The following TENM3 variants were observed in gnomAD, a reference collection of about 807,000 sequenced individuals.
TENM3 encodes teneurin transmembrane protein 3.
Under a neutral mutation model 255.1 loss-of-function variants are expected in TENM3, and 63 were observed. That is an observed-to-expected ratio of 0.25 (90% CI 0.20 to 0.30). The LOEUF (loss-of-function observed/expected upper bound fraction) is 0.30, where lower values mean the gene tolerates loss of function less well. TENM3 is among the 10% of genes least tolerant of loss of function. The pLI is 1.00. For missense variants in TENM3, 2,929 were observed against 3,461.1 expected (o/e 0.85, Z 3.86); for synonymous variants, 1,306 against 1,322.3 (o/e 0.99, Z 0.27).
At chr4:182,045,500 T>C in the TENM3 span, among the ~76,000 whole-genome samples, 1 of 152,140 alleles carries the variant, frequency 6.6e-6, no homozygotes, top group Non-Finnish European at 1.5e-5. Context: ...GAAAAAATTC[T>C]CCTTTGTTAG....
At position 182,799,337 on chromosome 4, in the gene TENM3, T is replaced by C. The variant is rs1052525374; in HGVS notation, c.7345-259T>C. 6.6e-6 allele frequency among the ~76,000 whole-genome samples: 1 copy of C among 152,222 alleles called. No individual in the cohort carries two copies. The highest frequency in any genetic ancestry group is 2.4e-5 in the African/African-American group (1 of 41,458). On this transcript the variant is annotated intron_variant, in intron 27 of 27. Coordinates refer to ENST00000511685, the MANE Select transcript of TENM3 (RefSeq NM_001080477.4). The surrounding 1 kb of genome is among the most constrained non-coding windows in gnomAD (Gnocchi z 4.2). ...AGAAAAGCAAGAAACAGGACTATTT[T>C]TCCCATGTTAGAAACGAAGAAAGCT... is the stretch of plus-strand genomic sequence containing the variant.
At chr4:182,456,123 G>A (rs76124170) in intron 3 of TENM3, among the ~76,000 whole-genome samples, 2,535 of 152,272 alleles carry the variant, frequency 0.017, 94 homozygotes, top group African/African-American at 0.058. Context: ...TTAATTTTGT[G>A]GTGATGGAAG....
At chr4:181,467,582 A>T in the TENM3 span, among the ~76,000 whole-genome samples, 1 of 152,140 alleles carries the variant, frequency 6.6e-6, no homozygotes, top group East Asian at 1.9e-4. Context: ...AGAGTAAAAA[A>T]TATTCAAGTT....
At chr4:182,539,392 G>C (rs1448194206) in intron 3 of TENM3, among the ~76,000 whole-genome samples, 1 of 152,142 alleles carries the variant, frequency 6.6e-6, no homozygotes, top group Non-Finnish European at 1.5e-5. Flanking sequence ...GTGGAAGCCA[G>C]AGTGGATGAA....
At chr4:182,223,407 G>T (rs887006056) in intron 1 of TENM3, among the ~76,000 whole-genome samples, 3 of 151,728 alleles carry the variant, frequency 2.0e-5, no homozygotes, top group African/African-American at 7.3e-5. Flanking sequence ...TTTATGAGGG[G>T]GTTTCTACCA....
At chr4:182,222,192 T>C (rs1429311423) in intron 1 of TENM3, among the ~76,000 whole-genome samples, 2 of 152,244 alleles carry the variant, frequency 1.3e-5, no homozygotes, top group Non-Finnish European at 2.9e-5. Context: ...GGTATGAATA[T>C]TGATCAAATT....
intron 3 of TENM3, among the ~76,000 whole-genome samples, chr4:182,426,032 A>C (rs1479322890): frequency 1.4e-5 from 2 of 138,982 alleles, no homozygotes; most frequent in African/African-American, 5.3e-5. Context: ...AAAAAAAAAC[A>C]CTCGAAGTAG....
At chr4:182,303,012 C>G (rs1038141777) in intron 1 of TENM3, among the ~76,000 whole-genome samples, 1 of 151,782 alleles carries the variant, frequency 6.6e-6, no homozygotes, top group Non-Finnish European at 1.5e-5. Flanking sequence ...TTTCATCACT[C>G]TTATATGCTT....
chr4:181,494,747 G>T, the TENM3 span, among the ~76,000 whole-genome samples: 1 of 151,912 alleles, frequency 6.6e-6, no homozygotes, highest in Non-Finnish European at 1.5e-5. Context: ...GTTTGTCACC[G>T]TATAGCCACT....
chr4:182,601,744 A>T (rs1335383042), intron 4 of TENM3, among the ~76,000 whole-genome samples: 1 of 152,190 alleles, frequency 6.6e-6, no homozygotes, highest in Non-Finnish European at 1.5e-5. Context: ...ATCCTGACAC[A>T]GTTCTATTAG....
At chr4:181,851,335 TC>T in the TENM3 span, among the ~76,000 whole-genome samples, 2 of 152,120 alleles carry the variant, frequency 1.3e-5, no homozygotes, top group Non-Finnish European at 2.9e-5. Context: ...ATTGTAGCAC[TC>T]CATGTCCCAA....
chr4:181,653,949 G>T, the TENM3 span, among the ~76,000 whole-genome samples: 3 of 151,584 alleles, frequency 2.0e-5, no homozygotes, highest in Admixed American at 2.0e-4. Flanking sequence ...TTCATCATTG[G>T]TACTGTGGTC....
the TENM3 span, among the ~76,000 whole-genome samples, chr4:181,976,922 T>C: frequency 6.6e-6 from 1 of 152,176 alleles, no homozygotes; most frequent in African/African-American, 2.4e-5. Flanking sequence ...AAGGGAGATA[T>C]AATTTGCCAC....
At chr4:181,836,143 T>G in the TENM3 span, among the ~76,000 whole-genome samples, 1 of 151,002 alleles carries the variant, frequency 6.6e-6, no homozygotes, top group South Asian at 2.1e-4. Flanking sequence ...TCCAATACCA[T>G]TCTGATCATG....
chr4:181,542,427 T>A, the TENM3 span, among the ~76,000 whole-genome samples: 1 of 152,174 alleles, frequency 6.6e-6, no homozygotes, highest in Non-Finnish European at 1.5e-5. Flanking sequence ...AGTAGCAGAT[T>A]TGATTTCTGT....
At chr4:182,170,975 A>T (rs2149693175) in intron 1 of TENM3, among the ~76,000 whole-genome samples, 1 of 152,286 alleles carries the variant, frequency 6.6e-6, no homozygotes, top group Admixed American at 6.5e-5. Flanking sequence ...TGGCAAAATT[A>T]AATGTTATTC....
chr4:182,370,783 A>G (rs550751278), intron 3 of TENM3, among the ~76,000 whole-genome samples: 1 of 152,302 alleles, frequency 6.6e-6, no homozygotes, highest in Non-Finnish European at 1.5e-5. Context: ...TGTTTCTAGA[A>G]GTGATCTCTG....
chr4:182,727,394 T>TGCAGTGA (rs1355822684), intron 13 of TENM3, among the ~76,000 whole-genome samples: 1 of 144,622 alleles, frequency 6.9e-6, no homozygotes, highest in Non-Finnish European at 1.5e-5. Flanking sequence ...AGGCGGAGGT[T>TGCAGTGA]GCAGTGAGCT....
chr4:181,583,490 A>G, the TENM3 span, among the ~76,000 whole-genome samples: 2 of 152,172 alleles, frequency 1.3e-5, no homozygotes, highest in African/African-American at 4.8e-5. Context: ...TATCCACCCT[A>G]ATTATAGGCA....
Sources: gnomAD v4.1 joint callset for allele counts (sites outside exome capture counted in the v4.1 genomes callset) on GRCh38, gnomAD v4.1.1 for gene constraint, Gnocchi (gnomAD v3.1) non-coding constraint, MANE v1.5 for transcripts, NCBI Gene and HGNC (gene_info 2026-07-23, HGNC 2026-07-21) for gene names.